BCAS1: variants seen among roughly 807,000 people sequenced by gnomAD.
The protein encoded by BCAS1 is brain enriched myelin associated protein 1, also known as breast carcinoma-amplified sequence 1.
In BCAS1, 46 loss-of-function variants were observed where a neutral mutation model predicts 65.4. The observed-to-expected ratio is 0.70, with a 90% CI of 0.55 to 0.90. The LOEUF (loss-of-function observed/expected upper bound fraction) is 0.90. Ranked by LOEUF, BCAS1 falls within the 40% of genes least tolerant of loss-of-function variation. BCAS1 has a pLI of 0.00. For synonymous variants in BCAS1, 298 were observed against 293.5 expected (o/e 1.02, Z -0.16); for missense variants, 793 against 771.2 (o/e 1.03, Z -0.33).
At chr20:54,035,187 C>A (rs1489913639) in intron 3 of BCAS1, among the ~76,000 whole-genome samples, 1 of 150,756 alleles carries the variant, frequency 6.6e-6, no homozygotes, top group Non-Finnish European at 1.5e-5. Flanking sequence ...CCGAGGAGGG[C>A]GGATCATGAG....
chr20:54,060,382 G>A (rs181110567), intron 1 of BCAS1, among the ~76,000 whole-genome samples: 19 of 152,246 alleles, frequency 1.2e-4, no homozygotes, highest in Admixed American at 9.8e-4. Flanking sequence ...GTGCAATCTC[G>A]GCTCACTGCA....
intron 8 of BCAS1, among the ~76,000 whole-genome samples, chr20:53,977,069 G>A (rs573464975): frequency 6.6e-6 from 1 of 152,304 alleles, no homozygotes; most frequent in South Asian, 2.1e-4. Flanking sequence ...AGGGGAAACA[G>A]GCACATCTTA....
intron 4 of BCAS1, among the ~76,000 whole-genome samples, chr20:54,023,481 C>A (rs1038059700): frequency 6.6e-6 from 1 of 152,104 alleles, no homozygotes; most frequent in Non-Finnish European, 1.5e-5. Context: ...ACTTAAAATG[C>A]GAGAGGGATT....
At chr20:53,984,100 G>A (rs1057168661) in intron 8 of BCAS1, among the ~76,000 whole-genome samples, 1 of 152,086 alleles carries the variant, frequency 6.6e-6, no homozygotes, top group African/African-American at 2.4e-5. Context: ...CAAATTTAAT[G>A]TGCTAACTCT....
intron 10 of BCAS1, among the ~76,000 whole-genome samples, chr20:53,964,815 T>C (rs73137789): frequency 1.6e-3 from 238 of 151,304 alleles, no homozygotes; most frequent in African/African-American, 4.2e-3. Context: ...TTTTTTTTCA[T>C]GCTTTCTTTG....
In BCAS1 at chr20:54,028,663, T is replaced by C. The variant is rs2091731975; in HGVS notation, c.452A>G (p.Asp151Gly). The change falls in exon 4 of 13, where the codon GAT becomes GGT. Residue 151 changes from aspartate to glycine, a missense_variant. Coordinates refer to ENST00000688948, the MANE Select transcript of BCAS1 (RefSeq NM_001366298.2). Reference protein sequence around the residue: ...PVAAGPGQDTDKTPGHAPAQD... With the variant: ...PVAAGPGQDTGKTPGHAPAQD... The stretch of plus-strand genomic sequence containing the variant: ...GGCCGGGGCGTGCCCTGGGGTTTTA[T>C]CTGTGTCCTGCCCCGGTCCAGCTGC... The C allele has an allele frequency of 1.2e-6, 2 of 1,614,186 alleles. No homozygotes were observed. Among genetic ancestry groups the C allele is most frequent in the Non-Finnish European group, 1.7e-6 (2 of 1,180,030 alleles).
intron 10 of BCAS1, among the ~76,000 whole-genome samples, chr20:53,961,153 G>C (rs891227337): frequency 1.2e-4 from 19 of 152,308 alleles, no homozygotes; most frequent in Non-Finnish European, 1.8e-4. Flanking sequence ...AGGAATGTTT[G>C]AACCATCTCC....
intron 7 of BCAS1, among the ~76,000 whole-genome samples, chr20:53,986,211 G>A (rs2090611975): frequency 1.3e-5 from 2 of 151,234 alleles, no homozygotes; most frequent in South Asian, 2.1e-4. Context: ...CCCTTCCTCC[G>A]CCTCCTTCCC....
intron 9 of BCAS1, among the ~76,000 whole-genome samples, chr20:53,974,660 C>T (rs1479664565): frequency 6.6e-6 from 1 of 152,204 alleles, no homozygotes; most frequent in Non-Finnish European, 1.5e-5. Context: ...TCACTTATCC[C>T]TACTTATAAA....
intron 4 of BCAS1, among the ~76,000 whole-genome samples, chr20:54,023,131 C>T (rs158543): frequency 2.6e-5 from 4 of 152,092 alleles, no homozygotes; most frequent in African/African-American, 4.8e-5. Context: ...TGTTGAAATT[C>T]GGTAATTCTT....
At chr20:54,057,352 G>A (rs1263719002) in intron 3 of BCAS1, among the ~76,000 whole-genome samples, 1 of 152,156 alleles carries the variant, frequency 6.6e-6, no homozygotes, top group Non-Finnish European at 1.5e-5. Flanking sequence ...CTTTAATCCT[G>A]ATAGCAATTC....
intron 12 of BCAS1, among the ~76,000 whole-genome samples, chr20:53,947,612 G>A (rs1159859617): frequency 6.6e-6 from 1 of 152,136 alleles, no homozygotes; most frequent in South Asian, 2.1e-4. Flanking sequence ...TCGCTCTCAG[G>A]CTACAGAGGA....
In BCAS1 at chr20:54,058,782, G is replaced by C. The variant is rs1601030003; in HGVS notation, c.-5-59C>G. On this transcript the variant is annotated intron_variant, in intron 1 of 12. Transcript: ENST00000688948. ...AAATCAAAACCAAACGAAGCTACAT[G>C]TGCTACTAAGGTGCAGAGGCCTGAC... The C allele has an allele frequency of 5.6e-6, 9 of 1,594,150 alleles. No homozygotes were observed. In the South Asian group the frequency reaches 1.0e-4, roughly 18 times the overall value.
At position 53,953,509 on chromosome 20, in the gene BCAS1, A is replaced by G. The variant is rs760889491; in HGVS notation, c.1738T>C (p.Ser580Pro). 3.7e-6 allele frequency: 6 copies of G among 1,613,814 alleles called. No homozygotes were observed. The East Asian group carries it at 1.3e-4, about 36-fold the overall frequency. Residue 580 changes from serine to proline, a missense_variant, in exon 12 of 13, where the codon TCA (serine) becomes CCA (proline). Coordinates refer to ENST00000688948, the MANE Select transcript of BCAS1 (RefSeq NM_001366298.2). ...TGGAGCTTGTCCCCATTCTGCAGTG[A>G]GTTCGTGTCCACCGTGGCCTGCTCT... ...CTEQATVDTN[S>P]LQNGDKLQKR...
At chr20:53,990,446 C>A (rs2090726830) in intron 7 of BCAS1, among the ~76,000 whole-genome samples, 1 of 152,120 alleles carries the variant, frequency 6.6e-6, no homozygotes, top group Non-Finnish European at 1.5e-5. Context: ...TGAGAAAATT[C>A]TTTTTATAAG....
intron 11 of BCAS1, 71 bp downstream of exon 11, chr20:53,957,361 G>T: frequency 7.1e-7 from 1 of 1,402,212 alleles, no homozygotes; most frequent in South Asian, 1.2e-5. Flanking sequence ...GAATTTTATT[G>T]AAAAGTATAC....
chr20:54,058,781 T>C (rs2092338011), intron 1 of BCAS1, 58 bp from the exon 2 acceptor site: 6 of 1,596,440 alleles, frequency 3.8e-6, no homozygotes, highest in Admixed American at 1.7e-5. Context: ...CGAAGCTACA[T>C]GTGCTACTAA....
Position 53,994,886 on chromosome 20 carries a change from G to GACACACACACAC in BCAS1, c.927+125_927+126insGTGTGTGTGTGT, listed in dbSNP as rs1218070545. 4 of 426,264 alleles carry GACACACACACAC rather than the reference G, an allele frequency of 9.4e-6. No homozygotes were observed. In the Admixed American group the frequency reaches 1.3e-4, roughly 14 times the overall value. The allele number at this position is 426,264 out of a possible 1,614,324, so 26.4% of individuals were successfully genotyped here. A position where few individuals can be genotyped will look rare whatever the true frequency, so the allele number is the denominator to read the frequency against. ...TAAATTGCTAATTATATATAGATAT[G>GACACACACACAC]ATACACACACACACACACACACACA... is the stretch of plus-strand genomic sequence containing the variant. On this transcript the variant is annotated intron_variant, in intron 6 of 12. Transcript: ENST00000688948.
chr20:53,992,807 T>A (rs547346073), intron 6 of BCAS1, among the ~76,000 whole-genome samples, 161 bp from the exon 7 acceptor site: 1 of 152,286 alleles, frequency 6.6e-6, no homozygotes, highest in South Asian at 2.1e-4. Context: ...TTATCTTTTT[T>A]AAACTTCCAT....
Sources: gnomAD v4.1 joint callset for allele counts (sites outside exome capture counted in the v4.1 genomes callset) on GRCh38, gnomAD v4.1.1 for gene constraint, MANE v1.5 for transcripts, NCBI Gene and HGNC (gene_info 2026-07-23, HGNC 2026-07-21) for gene names.